The following C1orf52 variants were observed in gnomAD, a reference collection of about 807,000 sequenced individuals.
C1orf52 encodes the protein UPF0690 protein C1orf52.
A neutral mutation model predicts 17.2 loss-of-function variants in C1orf52; 5 were observed. That is an observed-to-expected ratio of 0.29 (90% CI 0.15 to 0.61). The LOEUF (loss-of-function observed/expected upper bound fraction) is 0.61, where lower values mean the gene tolerates loss of function less well. Ranked by LOEUF, C1orf52 falls within the 20% of genes least tolerant of loss-of-function variation. C1orf52 has a pLI of 0.85. For synonymous variants in C1orf52, 110 were observed against 88.0 expected (o/e 1.25, Z -1.40); for missense variants, 245 against 234.1 (o/e 1.05, Z -0.30).
rs755488763 is a variant in C1orf52 at position 85,250,365 on chromosome 1, TTATG to T, written c.*2260_*2263del. The T allele has an allele frequency of 2.0e-5, 3 of 152,354 alleles. No individual in the cohort carries two copies. Among genetic ancestry groups the T allele is most frequent in the East Asian group, 3.9e-4 (2 of 5,184 alleles). 9.4% of individuals were successfully genotyped at this position (152,354 alleles called of 1,614,324 possible). A position where few individuals can be genotyped will look rare whatever the true frequency, so the allele number is the denominator to read the frequency against. ...AAGATACTTGGACAGATGATTTTTC[TTATG>T]TATATGGATTTTTAAGACTTTTCCC... On this transcript the variant is annotated 3_prime_UTR_variant, in exon 3 of 3. Coordinates refer to ENST00000471115, the MANE Select transcript of C1orf52 (RefSeq NM_198077.4).
Position 85,251,007 on chromosome 1 carries a change from G to A in C1orf52, c.*1622C>T, listed in dbSNP as rs757416168. On this transcript the variant is annotated 3_prime_UTR_variant, in exon 3 of 3. Coordinates refer to ENST00000471115, the MANE Select transcript of C1orf52 (RefSeq NM_198077.4). ...CTATAGAATTGGTTTTTCTAAACTC[G>A]ATGATATACTGGAAGCCATCATGCT... is the stretch of plus-strand genomic sequence containing the variant. The A allele has an allele frequency of 6.6e-6, 1 of 152,126 alleles. No homozygotes were observed. Among genetic ancestry groups the A allele is most frequent in the Non-Finnish European group, 1.5e-5 (1 of 68,026 alleles). The allele number at this position is 152,126 out of a possible 1,614,324, so 9.4% of individuals were successfully genotyped here.
In C1orf52 at chr1:85,259,589, G is replaced by A. The variant is rs1557781001; in HGVS notation, c.45C>T (p.Tyr15=). The A allele has an allele frequency of 6.3e-7, 1 of 1,594,504 alleles. No homozygotes were observed. The highest frequency in any genetic ancestry group is 8.5e-7 in the Non-Finnish European group (1 of 1,171,440). ...CCGAGGAGCCTGAGCTGCTGCTCCC[G>A]TATGCCGCAAAATAGCTCAGAGGGT... ...EKDPLSYFAA[Y]GSSSSGSSDE... The change falls in exon 1 of 3, where the codon TAC becomes TAT. Residue 15 remains tyrosine, a synonymous_variant. Coordinates refer to ENST00000471115, the MANE Select transcript of C1orf52 (RefSeq NM_198077.4).
rs1445211124 is a variant in C1orf52, at chr1:85,250,323, T to TC, written c.*2305dup. The TC allele has an allele frequency of 6.6e-6, 1 of 152,190 alleles. No homozygotes were observed. Among genetic ancestry groups the TC allele is most frequent in the Non-Finnish European group, 1.5e-5 (1 of 68,038 alleles). The allele number at this position is 152,190 out of a possible 1,614,324, so 9.4% of individuals were successfully genotyped here. ...GAAACAATCAGAAGTATCAAGTGACTCGATTCTCTAAAATGAAAGATACTT... is the reference window on the plus strand; with the variant it reads ...GAAACAATCAGAAGTATCAAGTGACTCCGATTCTCTAAAATGAAAGATACTT... On this transcript the variant is annotated 3_prime_UTR_variant, in exon 3 of 3. Transcript: ENST00000471115.
In C1orf52 at chr1:85,252,695, T is replaced by G; in HGVS notation, c.483A>C (p.Glu161Asp). The change falls in exon 3 of 3, where the codon GAA (glutamate) becomes GAC (aspartate). Residue 161 changes from glutamate (E) to aspartate (D), a missense_variant. Physicochemically the swap from Glu to Asp is conservative, Grantham distance 45. Transcript: ENST00000471115. Reference sequence around the variant, plus strand: ...GCTTTTTAGAAGTATGCTCATCTTTTTCATCATCTTTAAATAGAAAAGGAA... The same window carrying G: ...GCTTTTTAGAAGTATGCTCATCTTTGTCATCATCTTTAAATAGAAAAGGAA... Reference protein sequence around the residue: ...EGEETLESDDEKDEHTSKKRK... With the variant: ...EGEETLESDDDKDEHTSKKRK... The G allele has an allele frequency of 6.2e-7, 1 of 1,610,664 alleles. No homozygotes were observed. The highest frequency in any genetic ancestry group is 1.1e-5 in the South Asian group (1 of 90,816).
intron 2 of C1orf52, 100 bp from the exon 3 acceptor site, chr1:85,252,802 A>G (rs1659832275): frequency 1.4e-6 from 1 of 698,914 alleles, no homozygotes; most frequent in Non-Finnish European, 2.4e-6. Context: ...TATTACCCTC[A>G]TCAATTAATG....
At chr1:85,257,564 G>C in intron 2 of C1orf52, 2 of 683,030 alleles carry the variant, frequency 2.9e-6, no homozygotes, top group Non-Finnish European at 5.4e-6. Context: ...GTTTTAAGCA[G>C]GCAAGTTATA....
In C1orf52 at chr1:85,259,583, G is replaced by C; in HGVS notation, c.51C>G (p.Ser17Arg). The C allele has an allele frequency of 6.3e-7, 1 of 1,598,614 alleles. No individual in the cohort carries two copies. Among genetic ancestry groups the C allele is most frequent in the Non-Finnish European group, 8.5e-7 (1 of 1,173,350 alleles). ...CCTCGTCCGAGGAGCCTGAGCTGCT[G>C]CTCCCGTATGCCGCAAAATAGCTCA... ...DPLSYFAAYG[S>R]SSSGSSDEED... The change falls in exon 1 of 3, where the codon AGC becomes AGG. Residue 17 changes from serine to arginine, a missense_variant. Physicochemically the swap from Ser to Arg is moderately radical, Grantham distance 110 (BLOSUM62 -1). Coordinates refer to ENST00000471115, the MANE Select transcript of C1orf52 (RefSeq NM_198077.4).
chr1:85,257,742 T>C (rs1326256224), intron 2 of C1orf52, among the ~76,000 whole-genome samples: 2 of 152,226 alleles, frequency 1.3e-5, no homozygotes, highest in Non-Finnish European at 2.9e-5. Flanking sequence ...TATTACTATG[T>C]AGTAATGCTC....
chr1:85,252,267 G>C lies in C1orf52; in HGVS notation c.*362C>G. 4.9e-6 allele frequency: 1 copy of C among 205,676 alleles called. No individual in the cohort carries two copies. The highest frequency in any genetic ancestry group is 9.8e-6 in the Non-Finnish European group (1 of 102,318). The allele number at this position is 205,676 out of a possible 1,614,324, so 12.7% of individuals were successfully genotyped here. On this transcript the variant is annotated 3_prime_UTR_variant, in exon 3 of 3. Coordinates refer to ENST00000471115, the MANE Select transcript of C1orf52 (RefSeq NM_198077.4). ...AAGACTGTTGAAAAGCACCCTACAAGTTCACAGTACATTACAATATATTTA... is the reference window on the plus strand; with the variant it reads ...AAGACTGTTGAAAAGCACCCTACAACTTCACAGTACATTACAATATATTTA...
chr1:85,255,641 A>G (rs1659918186), intron 2 of C1orf52, among the ~76,000 whole-genome samples: 1 of 152,160 alleles, frequency 6.6e-6, no homozygotes, highest in African/African-American at 2.4e-5. Context: ...AGTAACTGGA[A>G]GACGTTAACC....
At position 85,251,742 on chromosome 1, in the gene C1orf52, T is replaced by C. The variant is rs997717645; in HGVS notation, c.*887A>G. Reference sequence around the variant, plus strand: ...ACAATTTAATAAAGAAATTAATGAATAACCATAAAGCACAGATGACAAGTA... The same window carrying C: ...ACAATTTAATAAAGAAATTAATGAACAACCATAAAGCACAGATGACAAGTA... On this transcript the variant is annotated 3_prime_UTR_variant, in exon 3 of 3. Coordinates refer to ENST00000471115, the MANE Select transcript of C1orf52 (RefSeq NM_198077.4). The C allele has an allele frequency of 6.6e-5, 10 of 152,282 alleles. No individual in the cohort carries two copies. The highest frequency in any genetic ancestry group is 6.5e-4 in the Admixed American group (10 of 15,300). The allele number at this position is 152,282 out of a possible 1,614,324, so 9.4% of individuals were successfully genotyped here.
At chr1:85,256,522 G>A (rs1209993302) in intron 2 of C1orf52, among the ~76,000 whole-genome samples, 8 of 152,034 alleles carry the variant, frequency 5.3e-5, no homozygotes, top group African/African-American at 1.4e-4. Context: ...AGGAATGGCC[G>A]GGCACGGTGG....
intron 2 of C1orf52, among the ~76,000 whole-genome samples, chr1:85,257,167 TACA>T (rs1659964540): frequency 6.6e-6 from 1 of 152,222 alleles, no homozygotes; most frequent in Admixed American, 6.5e-5. Context: ...ACTGAATACT[TACA>T]ATGTACTCGA....
rs1289159881 is a variant in C1orf52 at position 85,259,532 on chromosome 1, C to T, written c.102G>A (p.Thr34=). The T allele has an allele frequency of 5.6e-6, 9 of 1,613,800 alleles. No homozygotes were observed. Among genetic ancestry groups the T allele is most frequent in the African/African-American group, 1.3e-5 (1 of 74,924 alleles). ...DEEDNIEPEE[T]SRRTPDPAKS... is the part of the protein sequence containing the mutation. ...TCGCCGGATCCGGGGTTCTGCGACT[C>T]GTCTCCTCCGGCTCGATGTTATCCT... is the stretch of plus-strand genomic sequence containing the variant. The change falls in exon 1 of 3, where the codon ACG becomes ACA. Residue 34 remains threonine (T), a synonymous_variant. Coordinates refer to ENST00000471115, the MANE Select transcript of C1orf52 (RefSeq NM_198077.4).
intron 1 of C1orf52, chr1:85,259,075 G>A (rs1036761942): frequency 8.2e-6 from 11 of 1,349,460 alleles, no homozygotes; most frequent in Admixed American, 3.2e-5. Context: ...CAGCGGGGGG[G>A]GCGGGGGAGT....
rs539501982 is a variant in C1orf52, at chr1:85,251,774, T to A, written c.*855A>T. 3.9e-5 allele frequency: 6 copies of A among 152,302 alleles called. No homozygotes were observed. In the South Asian group the frequency reaches 1.2e-3, roughly 32 times the overall value. The allele number at this position is 152,302 out of a possible 1,614,324, so 9.4% of individuals were successfully genotyped here. ...AAAGCACAGATGACAAGTACAGTCA[T>A]CCAATCAGGAGAGGAAAAGATCTCT... is the stretch of plus-strand genomic sequence containing the variant. On this transcript the variant is annotated 3_prime_UTR_variant, in exon 3 of 3. Coordinates refer to ENST00000471115, the MANE Select transcript of C1orf52 (RefSeq NM_198077.4).
In C1orf52 at chr1:85,250,234, T is replaced by C. The variant is rs1324943661; in HGVS notation, c.*2395A>G. The stretch of plus-strand genomic sequence containing the variant: ...GAATTACAATTCAAGTGAGATTTGG[T>C]TGGGGACACAGCCAAACCAGATCAG... On this transcript the variant is annotated 3_prime_UTR_variant, in exon 3 of 3. Transcript: ENST00000471115. 1 of 152,138 alleles carries C rather than the reference T, an allele frequency of 6.6e-6. No homozygotes were observed. The highest frequency in any genetic ancestry group is 1.5e-5 in the Non-Finnish European group (1 of 68,030). 9.4% of individuals were successfully genotyped at this position (152,138 alleles called of 1,614,324 possible). A position where few individuals can be genotyped will look rare whatever the true frequency, so the allele number is the denominator to read the frequency against.
intron 2 of C1orf52, 88 bp downstream of exon 2, chr1:85,258,436 T>C (rs1659999957): frequency 8.4e-7 from 1 of 1,192,464 alleles, no homozygotes; most frequent in Non-Finnish European, 1.2e-6. Flanking sequence ...ATTCGCTAGA[T>C]TTAATTTTCA....
chr1:85,256,535 C>CA (rs1659940575), intron 2 of C1orf52, among the ~76,000 whole-genome samples: 1 of 152,094 alleles, frequency 6.6e-6, no homozygotes, highest in Non-Finnish European at 1.5e-5. Context: ...CACGGTGGCT[C>CA]ACGCCTGTAA....
Sources: allele counts gnomAD v4.1 joint callset (sites outside exome capture counted in the v4.1 genomes callset), GRCh38; gene constraint gnomAD v4.1.1; transcripts MANE v1.5; gene names NCBI Gene and HGNC (gene_info 2026-07-23, HGNC 2026-07-21).